The following ADCY8 variants were observed in gnomAD, a reference collection of about 807,000 sequenced individuals.
ADCY8 encodes adenylate cyclase type 8.
Under a neutral mutation model 119.7 loss-of-function variants are expected in ADCY8, and 51 were observed. The observed-to-expected ratio is 0.43, with a 90% confidence interval of 0.34 to 0.54. The LOEUF is 0.54. ADCY8 is among the 20% of genes least tolerant of loss of function. The pLI, the probability that ADCY8 is intolerant of heterozygous loss-of-function variation, is 0.03. For missense variants in ADCY8, 1,383 were observed against 1,598.8 expected (o/e 0.87, Z 2.30); for synonymous variants, 665 against 651.0 (o/e 1.02, Z -0.33).
intron 1 of ADCY8, among the ~76,000 whole-genome samples, chr8:131,010,116 T>C (rs574006478): frequency 3.9e-5 from 6 of 152,354 alleles, no homozygotes; most frequent in Admixed American, 3.3e-4. Flanking sequence ...ACAATGGAGC[T>C]GAGAGTATGG....
intron 15 of ADCY8, among the ~76,000 whole-genome samples, chr8:130,789,269 C>A (rs1261513482): frequency 6.6e-6 from 1 of 152,158 alleles, no homozygotes; most frequent in Non-Finnish European, 1.5e-5. Flanking sequence ...AATGGGCTGG[C>A]TAATCTCAAT....
At chr8:130,853,479 A>G (rs1007302942) in intron 9 of ADCY8, among the ~76,000 whole-genome samples, 4 of 152,180 alleles carry the variant, frequency 2.6e-5, no homozygotes, top group African/African-American at 9.7e-5. Flanking sequence ...GATGGAGGCC[A>G]TGTGGTCTCT....
At chr8:130,893,657 G>GGTGTGT (rs113157821) in intron 7 of ADCY8, among the ~76,000 whole-genome samples, 303 of 148,988 alleles carry the variant, frequency 2.0e-3, no homozygotes, top group South Asian at 6.2e-3. Context: ...GGGAGAAGAA[G>GGTGTGT]GTGTGTGTGT....
At chr8:130,922,417 G>A (rs369710455) in intron 5 of ADCY8, among the ~76,000 whole-genome samples, 19 of 151,480 alleles carry the variant, frequency 1.3e-4, no homozygotes, top group Middle Eastern at 3.4e-3. Flanking sequence ...GACTCTTAAC[G>A]AGCATGCTGC....
At chr8:130,865,196 A>C (rs1223594388) in intron 9 of ADCY8, among the ~76,000 whole-genome samples, 1 of 152,106 alleles carries the variant, frequency 6.6e-6, no homozygotes, top group Non-Finnish European at 1.5e-5. Flanking sequence ...AGGTGTGGGG[A>C]AGAAGGCTCT....
chr8:130,939,195 T>C (rs572543047), intron 4 of ADCY8, among the ~76,000 whole-genome samples: 1 of 151,948 alleles, frequency 6.6e-6, no homozygotes, highest in Non-Finnish European at 1.5e-5. Flanking sequence ...AAAGCAAATA[T>C]ATTTTTAACA....
intron 1 of ADCY8, among the ~76,000 whole-genome samples, chr8:131,000,850 G>A (rs894164088): frequency 6.6e-6 from 1 of 152,048 alleles, no homozygotes; most frequent in African/African-American, 2.4e-5. Flanking sequence ...ACCTTGGGAA[G>A]GAGGTGCGCG....
intron 2 of ADCY8, among the ~76,000 whole-genome samples, chr8:130,970,600 C>T (rs1237228283): frequency 6.6e-6 from 1 of 152,166 alleles, no homozygotes. Flanking sequence ...CCCCCTCCAC[C>T]CTGGTGTGTG....
At chr8:130,827,956 C>T (rs552074485) in intron 12 of ADCY8, among the ~76,000 whole-genome samples, 1 of 152,142 alleles carries the variant, frequency 6.6e-6, no homozygotes, top group Admixed American at 6.5e-5. Flanking sequence ...CATGGAGAAT[C>T]CTGGTTACTG....
intron 4 of ADCY8, among the ~76,000 whole-genome samples, chr8:130,938,896 T>C (rs1820873651): frequency 6.6e-6 from 1 of 152,160 alleles, no homozygotes; most frequent in Non-Finnish European, 1.5e-5. Flanking sequence ...GCAACACAGC[T>C]GACAATTAGG....
intron 2 of ADCY8, among the ~76,000 whole-genome samples, chr8:130,961,429 A>AAATCTCTTCATG (rs1275473372): frequency 2.0e-5 from 3 of 151,872 alleles, no homozygotes; most frequent in Admixed American, 6.6e-5. Flanking sequence ...AAATCTTCAT[A>AAATCTCTTCATG]AATCTCTTCA....
At chr8:130,889,465 C>G (rs1368883623) in intron 7 of ADCY8, among the ~76,000 whole-genome samples, 2 of 152,100 alleles carry the variant, frequency 1.3e-5, no homozygotes, top group Non-Finnish European at 2.9e-5. Flanking sequence ...CCACAAATCC[C>G]CCTTTTCTTG....
At chr8:130,824,860 C>A (rs1486228335) in intron 12 of ADCY8, among the ~76,000 whole-genome samples, 4 of 152,116 alleles carry the variant, frequency 2.6e-5, no homozygotes, top group African/African-American at 9.7e-5. Flanking sequence ...GAGTGCAGAG[C>A]CCTATGTGAA....
chr8:130,818,605 G>A (rs957903686), intron 13 of ADCY8, among the ~76,000 whole-genome samples: 2 of 152,198 alleles, frequency 1.3e-5, no homozygotes, highest in African/African-American at 2.4e-5. Context: ...ACGCTTCTGC[G>A]TACCAGGCAT....
chr8:130,983,891 A>G (rs1382964847), intron 2 of ADCY8, among the ~76,000 whole-genome samples: 1 of 152,228 alleles, frequency 6.6e-6, no homozygotes. Context: ...CAGCCACTTT[A>G]TTATTGGCAA....
intron 1 of ADCY8, among the ~76,000 whole-genome samples, chr8:131,001,216 C>T (rs966919202): frequency 4.6e-5 from 7 of 151,938 alleles, no homozygotes; most frequent in South Asian, 2.1e-4. Context: ...AGCCTGAGGA[C>T]GAGGAGTGAG....
chr8:130,948,625 T>A (rs1563740804), intron 3 of ADCY8, among the ~76,000 whole-genome samples: 3 of 146,466 alleles, frequency 2.0e-5, no homozygotes, highest in Admixed American at 1.4e-4. Flanking sequence ...AGCACTTTTT[T>A]AGGAAAGAGT....
At chr8:130,889,338 T>C (rs1454939933) in intron 7 of ADCY8, among the ~76,000 whole-genome samples, 1 of 152,164 alleles carries the variant, frequency 6.6e-6, no homozygotes, top group African/African-American at 2.4e-5. Context: ...TAAATGTGTT[T>C]ACTGAATGAA....
At chr8:130,934,446 A>C (rs1052817994) in intron 5 of ADCY8, among the ~76,000 whole-genome samples, 1 of 152,148 alleles carries the variant, frequency 6.6e-6, no homozygotes, top group Non-Finnish European at 1.5e-5. Flanking sequence ...TCATGACAAC[A>C]GCAATGGGGA....
Sources: allele counts gnomAD v4.1 joint callset (sites outside exome capture counted in the v4.1 genomes callset), GRCh38; gene constraint gnomAD v4.1.1; transcripts MANE v1.5; gene names NCBI Gene and HGNC (gene_info 2026-07-23, HGNC 2026-07-21).